Variants in GALNTL5 observed in about 807,000 individuals in gnomAD.
GALNTL5 encodes inactive polypeptide N-acetylgalactosaminyltransferase-like protein 5.
A neutral mutation model predicts 51.0 loss-of-function variants in GALNTL5; 44 were observed. The ratio of observed to expected loss-of-function variants is 0.86; its 90% CI spans 0.68 to 1.11. The LOEUF (loss-of-function observed/expected upper bound fraction) is 1.11, where lower values mean the gene tolerates loss of function less well. Among genes scored for constraint, GALNTL5 ranks in the 50% least tolerant of loss-of-function variants. The pLI is 0.00. For missense variants in GALNTL5, 528 were observed against 531.8 expected, an observed-to-expected ratio of 0.99 and a Z score of 0.07; for synonymous variants, 192 against 182.8, an observed-to-expected ratio of 1.05 and a Z score of -0.41.
chr7:151,983,695 G>A (rs540280016), intron 4 of GALNTL5, among the ~76,000 whole-genome samples: 1 of 152,280 alleles, frequency 6.6e-6, no homozygotes, highest in South Asian at 2.1e-4. Flanking sequence ...CATCCTTGGA[G>A]ATAACTTCAG....
chr7:151,987,062 AT>A (rs1360930443), intron 4 of GALNTL5, 96 bp from the exon 5 acceptor site: 2 of 1,060,608 alleles, frequency 1.9e-6, no homozygotes, highest in African/African-American at 3.4e-5. Flanking sequence ...CTTCTGTGGA[AT>A]AGCATGGATT....
At chr7:151,986,723 CTATCTT>C (rs1235738378) in intron 4 of GALNTL5, among the ~76,000 whole-genome samples, 1 of 89,548 alleles carries the variant, frequency 1.1e-5, no homozygotes, top group Non-Finnish European at 2.2e-5. Flanking sequence ...GATAAAAATT[CTATCTT>C]TTTTTTTTTT....
intron 1 of GALNTL5, among the ~76,000 whole-genome samples, chr7:151,965,349 C>A (rs1018596506): frequency 2.4e-4 from 37 of 152,292 alleles, no homozygotes; most frequent in African/African-American, 8.4e-4. Flanking sequence ...GAGTTTTTAG[C>A]TTTATTCTTA....
At chr7:151,966,503 A>T (rs1214974090) in intron 1 of GALNTL5, among the ~76,000 whole-genome samples, 1 of 152,156 alleles carries the variant, frequency 6.6e-6, no homozygotes, top group African/African-American at 2.4e-5. Flanking sequence ...TCCTGACCTC[A>T]GGTGATCCAC....
At chr7:152,004,422 G>GA (rs2081618473) in intron 6 of GALNTL5, among the ~76,000 whole-genome samples, 1 of 151,286 alleles carries the variant, frequency 6.6e-6, no homozygotes, top group Admixed American at 6.6e-5. Flanking sequence ...AAGGTTAAAA[G>GA]AAAAAATAAA....
chr7:151,983,013 C>G lies in GALNTL5; in HGVS notation c.396C>G (p.Arg132=). The G allele has an allele frequency of 1.9e-6, 3 of 1,614,162 alleles. No individual in the cohort carries two copies. Among genetic ancestry groups the G allele is most frequent in the Non-Finnish European group, 2.5e-6 (3 of 1,180,028 alleles). ...KMCLQKHYPA[R]LPTASIVICF... is the part of the protein sequence containing the mutation. ...GTCTTCAAAAACATTACCCAGCCCG[C>G]CTCCCGACTGCCAGCATTGTCATTT... Residue 132 remains arginine (R), a synonymous_variant, in exon 4 of 9, where the codon CGC becomes CGG. Coordinates refer to ENST00000392800, the MANE Select transcript of GALNTL5 (RefSeq NM_145292.4).
intron 4 of GALNTL5, among the ~76,000 whole-genome samples, chr7:151,986,675 T>C (rs2081362784): frequency 6.6e-6 from 1 of 151,948 alleles, no homozygotes; most frequent in South Asian, 2.1e-4. Context: ...ACAGTTGATT[T>C]TGATAATGAA....
intron 5 of GALNTL5, among the ~76,000 whole-genome samples, chr7:151,988,634 C>T (rs10278965): frequency 0.018 from 2,725 of 152,156 alleles, 77 homozygotes; most frequent in African/African-American, 0.062. Flanking sequence ...TCTTTTCAGA[C>T]CCGCGTTTTT....
chr7:151,980,331 G>A (rs1202622316), intron 3 of GALNTL5, among the ~76,000 whole-genome samples: 2 of 152,060 alleles, frequency 1.3e-5, no homozygotes, highest in African/African-American at 2.4e-5. Flanking sequence ...TGATCTGCCC[G>A]CCTTGGCCTC....
chr7:151,988,701 TTTTA>T (rs2081391502), intron 5 of GALNTL5, among the ~76,000 whole-genome samples: 1 of 130,258 alleles, frequency 7.7e-6, no homozygotes. Flanking sequence ...GGTTAAGGAT[TTTTA>T]TTTATTTTAC....
chr7:151,986,432 C>CAAGACCAG (rs1220779025), intron 4 of GALNTL5, among the ~76,000 whole-genome samples: 3 of 152,126 alleles, frequency 2.0e-5, no homozygotes, highest in Non-Finnish European at 4.4e-5. Context: ...GCCAGGAGTG[C>CAAGACCAG]AAGACCAGCC....
chr7:151,986,513 T>C (rs2081361075), intron 4 of GALNTL5, among the ~76,000 whole-genome samples: 1 of 152,004 alleles, frequency 6.6e-6, no homozygotes, highest in South Asian at 2.1e-4. Context: ...TGCATACCTG[T>C]AGTCCCAGCT....
intron 5 of GALNTL5, among the ~76,000 whole-genome samples, chr7:151,994,762 ATT>A (rs55666718): frequency 0.56 from 81,381 of 144,154 alleles, 23,293 homozygotes; most frequent in Middle Eastern, 0.7. Context: ...CTTACCCCCA[ATT>A]TTTTTTTTTT....
intron 5 of GALNTL5, chr7:151,995,347 A>ATTTTTTTTTTTTTTTTTTTTT (rs1563017632): frequency 1.1e-5 from 1 of 90,980 alleles, no homozygotes. Flanking sequence ...AGTTGGTATG[A>ATTTTTTTTTTTTTTTTTTTTT]ATTTTTTTTT....
At chr7:151,991,833 T>C (rs2081432129) in intron 5 of GALNTL5, among the ~76,000 whole-genome samples, 1 of 152,270 alleles carries the variant, frequency 6.6e-6, no homozygotes, top group East Asian at 1.9e-4. Context: ...CGTGTTGAGA[T>C]TTTCACTGGA....
At chr7:152,003,367 G>A (rs1170569904) in intron 6 of GALNTL5, among the ~76,000 whole-genome samples, 1 of 152,176 alleles carries the variant, frequency 6.6e-6, no homozygotes, top group Non-Finnish European at 1.5e-5. Flanking sequence ...CACATCTCCA[G>A]GAGATACTGT....
chr7:151,972,231 G>A (rs1185872165), intron 3 of GALNTL5, among the ~76,000 whole-genome samples: 1 of 152,212 alleles, frequency 6.6e-6, no homozygotes, highest in African/African-American at 2.4e-5. Flanking sequence ...GGTCTCAGAT[G>A]GAGATGAGGA....
intron 7 of GALNTL5, among the ~76,000 whole-genome samples, chr7:152,012,756 C>T (rs560113251): frequency 6.6e-6 from 1 of 152,272 alleles, no homozygotes; most frequent in South Asian, 2.1e-4. Flanking sequence ...CACTTGAGGT[C>T]AGAAGTTCAT....
At chr7:151,958,352 T>C (rs2080950223) in intron 1 of GALNTL5, among the ~76,000 whole-genome samples, 2 of 152,198 alleles carry the variant, frequency 1.3e-5, no homozygotes, top group African/African-American at 4.8e-5. Context: ...CACCAGCATC[T>C]GGATGAGGGG....
Sources: allele counts gnomAD v4.1 joint callset (sites outside exome capture counted in the v4.1 genomes callset), GRCh38; gene constraint gnomAD v4.1.1; transcripts MANE v1.5; gene names NCBI Gene and HGNC (gene_info 2026-07-23, HGNC 2026-07-21).